The following TNFRSF19 variants were observed in gnomAD, a reference collection of about 807,000 sequenced individuals.
The protein encoded by TNFRSF19 is tumor necrosis factor receptor superfamily member 19.
In TNFRSF19, 27 loss-of-function variants were observed where a neutral mutation model predicts 46.4. The ratio of observed to expected loss-of-function variants is 0.58; its 90% confidence interval spans 0.43 to 0.80. TNFRSF19 has a LOEUF of 0.80. Among genes scored for constraint, TNFRSF19 ranks in the 30% least tolerant of loss-of-function variants. TNFRSF19 has a pLI of 0.00. For missense variants in TNFRSF19, 511 were observed against 530.8 expected (o/e 0.96, Z 0.37); for synonymous variants, 204 against 205.0 (o/e 1.00, Z 0.04).
intron 5 of TNFRSF19, among the ~76,000 whole-genome samples, chr13:23,631,400 G>A (rs75945904): frequency 0.048 from 7,379 of 152,156 alleles, 340 homozygotes; most frequent in African/African-American, 0.12. Context: ...TTGCCACTTC[G>A]GATATACTTT....
At position 23,668,044 on chromosome 13, in the gene TNFRSF19, T is replaced by A. The variant is rs1951678968; in HGVS notation, c.801T>A (p.Leu267=). Residue 267 remains leucine, a synonymous_variant, in exon 8 of 10, where the codon CTT becomes CTA. Transcript: ENST00000248484. Reference sequence around the variant, plus strand: ...CCTGCAGCCCCAACCCGGCGACTCTTGGTTGTGGGGTGCATTCTGCAGCCA... The same window carrying A: ...CCTGCAGCCCCAACCCGGCGACTCTAGGTTGTGGGGTGCATTCTGCAGCCA... ...EEACSPNPAT[L]GCGVHSAASL... 1 of 1,610,112 alleles carries A rather than the reference T, an allele frequency of 6.2e-7. No individual in the cohort carries two copies. Among genetic ancestry groups the A allele is most frequent in the East Asian group, 2.2e-5 (1 of 44,820 alleles).
intron 3 of TNFRSF19, among the ~76,000 whole-genome samples, chr13:23,602,249 C>G (rs975521417): frequency 5.9e-5 from 9 of 152,062 alleles, no homozygotes; most frequent in African/African-American, 2.2e-4. Context: ...GACTTCAAAG[C>G]AAAGACAGAT....
intron 5 of TNFRSF19, among the ~76,000 whole-genome samples, chr13:23,644,837 A>G (rs1883239047): frequency 2.6e-5 from 4 of 152,138 alleles, no homozygotes. Context: ...GTGTGTATAT[A>G]TATATATATT....
chr13:23,642,144 A>G (rs1883066888), intron 5 of TNFRSF19, among the ~76,000 whole-genome samples: 1 of 152,222 alleles, frequency 6.6e-6, no homozygotes, highest in Admixed American at 6.5e-5. Context: ...GAACTTCTGG[A>G]AAAGATTATT....
At chr13:23,592,819 T>G (rs887444083) in intron 2 of TNFRSF19, among the ~76,000 whole-genome samples, 1 of 152,350 alleles carries the variant, frequency 6.6e-6, no homozygotes, top group African/African-American at 2.4e-5. Context: ...TAAACGATAA[T>G]TGCGAAGTTC....
At chr13:23,598,726 T>C (rs1230460022) in intron 3 of TNFRSF19, among the ~76,000 whole-genome samples, 2 of 152,226 alleles carry the variant, frequency 1.3e-5, no homozygotes, top group Non-Finnish European at 2.9e-5. Flanking sequence ...GAAGCCTGCC[T>C]TTTCTTGTGA....
intron 9 of TNFRSF19, chr13:23,669,374 T>C: frequency 8.3e-7 from 1 of 1,203,422 alleles, no homozygotes; most frequent in Non-Finnish European, 1.0e-6. Context: ...CCTTCCCTGG[T>C]TGAGAGAGGT....
intron 3 of TNFRSF19, among the ~76,000 whole-genome samples, chr13:23,613,238 C>T (rs965978795): frequency 1.4e-4 from 21 of 152,284 alleles, no homozygotes; most frequent in Middle Eastern, 6.8e-3. Flanking sequence ...ATGTGCACTC[C>T]GTGCTTGATT....
At chr13:23,652,828 C>T (rs1883730974) in intron 5 of TNFRSF19, among the ~76,000 whole-genome samples, 1 of 152,162 alleles carries the variant, frequency 6.6e-6, no homozygotes, top group Non-Finnish European at 1.5e-5. Flanking sequence ...ATTTCATAGA[C>T]ATTCATTCAT....
rs9317876 is a variant in TNFRSF19, at chr13:23,609,320, C to A, written c.181-6547C>A. ...CCATAAGTAGTACCTGCTGGGCATT[C>A]TGAACCATAAATATGGTGAGGGTTA... On this transcript the variant is annotated intron_variant, in intron 3 of 9. Transcript: ENST00000248484. Among the ~76,000 whole-genome samples, 266 of 152,282 alleles carry A rather than the reference C, an allele frequency of 1.7e-3. 2 individuals carry two copies. The highest frequency in any genetic ancestry group is 6.0e-3 in the African/African-American group (250 of 41,564).
At chr13:23,643,676 A>T (rs570860970) in intron 5 of TNFRSF19, among the ~76,000 whole-genome samples, 1 of 152,240 alleles carries the variant, frequency 6.6e-6, no homozygotes, top group African/African-American at 2.4e-5. Flanking sequence ...AGGCAGCCAG[A>T]GGAAAACAGA....
rs1050859577 is a variant in TNFRSF19 at position 23,659,972 on chromosome 13, G to C, written c.611-393G>C. 6.6e-6 allele frequency among the ~76,000 whole-genome samples: 1 copy of C among 152,104 alleles called. No homozygotes were observed. The highest frequency in any genetic ancestry group is 2.4e-5 in the African/African-American group (1 of 41,396). On this transcript the variant is annotated intron_variant, in intron 6 of 9. Coordinates refer to ENST00000248484, the MANE Select transcript of TNFRSF19 (RefSeq NM_148957.4). This position sits in a 1 kb window ranked among gnomAD's most constrained non-coding sequence, Gnocchi z 4.9. ...ATCTTCATGTTGAGTGGGCTGAGGAGGAGGAGGAGGAGGGTTGGCCTTGGT... is the reference window on the plus strand; with the variant it reads ...ATCTTCATGTTGAGTGGGCTGAGGACGAGGAGGAGGAGGGTTGGCCTTGGT...
intron 7 of TNFRSF19, among the ~76,000 whole-genome samples, chr13:23,664,576 C>T (rs1169356048): frequency 1.3e-5 from 2 of 152,190 alleles, no homozygotes; most frequent in African/African-American, 4.8e-5. Context: ...AAACTAATAG[C>T]ACCATTTTGT....
intron 3 of TNFRSF19, among the ~76,000 whole-genome samples, chr13:23,605,807 AG>A (rs1364757676): frequency 1.3e-5 from 2 of 152,182 alleles, no homozygotes; most frequent in African/African-American, 4.8e-5. Context: ...GGTAAGGGTG[AG>A]GGAGGGATGG....
At chr13:23,660,097 G>A (rs1884259687) in intron 6 of TNFRSF19, among the ~76,000 whole-genome samples, 1 of 152,136 alleles carries the variant, frequency 6.6e-6, no homozygotes, top group South Asian at 2.1e-4. Flanking sequence ...CACTGAGGTT[G>A]CACAGCTTTG....
chr13:23,650,247 G>A (rs764619380), intron 5 of TNFRSF19, among the ~76,000 whole-genome samples: 22 of 152,174 alleles, frequency 1.4e-4, no homozygotes, highest in Non-Finnish European at 2.1e-4. Flanking sequence ...CAAGTACAAT[G>A]TATCTTTGTG....
At chr13:23,601,597 A>G (rs1401147933) in intron 3 of TNFRSF19, among the ~76,000 whole-genome samples, 1 of 152,230 alleles carries the variant, frequency 6.6e-6, no homozygotes, top group East Asian at 1.9e-4. Context: ...CCTATTCTTA[A>G]TTGATGTAAT....
At chr13:23,603,446 A>G (rs962745754) in intron 3 of TNFRSF19, among the ~76,000 whole-genome samples, 2 of 152,084 alleles carry the variant, frequency 1.3e-5, no homozygotes, top group African/African-American at 4.8e-5. Flanking sequence ...AGAATATAGC[A>G]GAGAAAATAC....
chr13:23,600,589 A>T (rs1880067229), intron 3 of TNFRSF19, among the ~76,000 whole-genome samples: 1 of 152,194 alleles, frequency 6.6e-6, no homozygotes, highest in African/African-American at 2.4e-5. Context: ...ATTTTGAAAT[A>T]TGCTAGAGTG....
Sources: allele counts gnomAD v4.1 joint callset (sites outside exome capture counted in the v4.1 genomes callset), GRCh38; gene constraint gnomAD v4.1.1; non-coding constraint Gnocchi (gnomAD v3.1); transcripts MANE v1.5; gene names NCBI Gene and HGNC (gene_info 2026-07-23, HGNC 2026-07-21).